ITGB5: variants seen among roughly 807,000 people sequenced by gnomAD.
ITGB5 encodes the protein integrin subunit beta 5.
In ITGB5, 38 loss-of-function variants were observed where a neutral mutation model predicts 84.8. That is an observed-to-expected ratio of 0.45 (90% CI 0.35 to 0.59). The LOEUF (loss-of-function observed/expected upper bound fraction) is 0.59. Among genes scored for constraint, ITGB5 ranks in the 20% least tolerant of loss-of-function variants. The pLI is 0.01. For synonymous variants in ITGB5, 393 were observed against 414.4 expected (o/e 0.95, Z 0.63); for missense variants, 905 against 1,034.5 (o/e 0.87, Z 1.72).
intron 5 of ITGB5, among the ~76,000 whole-genome samples, chr3:124,826,294 G>C (rs747642904): frequency 1.8e-4 from 27 of 152,166 alleles, no homozygotes; most frequent in Non-Finnish European, 2.6e-4. Flanking sequence ...GCTTCTTGAG[G>C]GTCTTGTGGG....
At chr3:124,812,955 C>G (rs1224277116) in intron 8 of ITGB5, among the ~76,000 whole-genome samples, 2 of 152,202 alleles carry the variant, frequency 1.3e-5, no homozygotes, top group Non-Finnish European at 2.9e-5. Context: ...CACACTTAGT[C>G]ATGTGTTGCA....
chr3:124,837,213 G>A (rs759691345), intron 5 of ITGB5, among the ~76,000 whole-genome samples: 7 of 152,186 alleles, frequency 4.6e-5, no homozygotes, highest in African/African-American at 1.2e-4. Context: ...GGCCAAGGGC[G>A]TGCCCTGTTT....
chr3:124,776,232 C>T (rs577318807), intron 10 of ITGB5, among the ~76,000 whole-genome samples: 1 of 152,338 alleles, frequency 6.6e-6, no homozygotes, highest in South Asian at 2.1e-4. Context: ...AGAGGGCGGT[C>T]CTGCCCCTCC....
chr3:124,777,371 C>T (rs550973724), intron 10 of ITGB5, among the ~76,000 whole-genome samples: 4 of 152,212 alleles, frequency 2.6e-5, no homozygotes, highest in South Asian at 4.1e-4. Context: ...ATCTGCATGG[C>T]TTTTTGGCCT....
At chr3:124,764,362 C>T in intron 14 of ITGB5, 29 bp downstream of exon 14, 6 of 1,588,752 alleles carry the variant, frequency 3.8e-6, no homozygotes, top group Non-Finnish European at 5.2e-6. Flanking sequence ...CTTGAAGTCT[C>T]CTCTGCTTCC....
intron 10 of ITGB5, among the ~76,000 whole-genome samples, chr3:124,779,281 G>A (rs1321402530): frequency 6.6e-6 from 1 of 152,130 alleles, no homozygotes; most frequent in Admixed American, 6.5e-5. Flanking sequence ...GTAACCAGGA[G>A]GTATGTGACA....
intron 3 of ITGB5, among the ~76,000 whole-genome samples, chr3:124,852,134 C>T (rs189911466): frequency 5.1e-4 from 77 of 152,262 alleles, no homozygotes; most frequent in Admixed American, 3.5e-3. Context: ...CGCCACCTCC[C>T]GCTGCCCGGC....
intron 10 of ITGB5, among the ~76,000 whole-genome samples, chr3:124,786,788 C>A (rs2064087749): frequency 6.6e-6 from 1 of 152,180 alleles, no homozygotes; most frequent in Non-Finnish European, 1.5e-5. Flanking sequence ...CCCCACCTCA[C>A]CAGAGGCACT....
intron 1 of ITGB5, among the ~76,000 whole-genome samples, chr3:124,886,476 G>A (rs1934813346): frequency 6.6e-6 from 1 of 152,142 alleles, no homozygotes; most frequent in Admixed American, 6.5e-5. Flanking sequence ...AGGTGGCCCC[G>A]GGCTTTGGCT....
intron 1 of ITGB5, among the ~76,000 whole-genome samples, chr3:124,883,284 A>G (rs1418879221): frequency 1.3e-5 from 2 of 152,238 alleles, no homozygotes; most frequent in Admixed American, 6.5e-5. Flanking sequence ...AACTACTTAG[A>G]TATTTTAATT....
chr3:124,887,083 C>T lies in ITGB5; in HGVS notation c.-83G>A, dbSNP rs930328397. Reference sequence around the variant, plus strand: ...CGGGGCTGGGGCCGGAGCGCGGGGGCCGAGGGCCGGGGGCCGCAGCCGCAT... The same window carrying T: ...CGGGGCTGGGGCCGGAGCGCGGGGGTCGAGGGCCGGGGGCCGCAGCCGCAT... On this transcript the variant is annotated 5_prime_UTR_variant, in exon 1 of 15. Transcript: ENST00000296181. The T allele has an allele frequency of 2.0e-6, 1 of 488,016 alleles. No individual in the cohort carries two copies. Among genetic ancestry groups the T allele is most frequent in the Non-Finnish European group, 2.7e-6 (1 of 377,340 alleles). 30.2% of individuals were successfully genotyped at this position (488,016 alleles called of 1,614,324 possible). A position where few individuals can be genotyped will look rare whatever the true frequency, so the allele number is the denominator to read the frequency against.
intron 10 of ITGB5, among the ~76,000 whole-genome samples, chr3:124,778,587 G>A (rs1240412479): frequency 1.3e-5 from 2 of 152,226 alleles, no homozygotes; most frequent in Admixed American, 6.5e-5. Flanking sequence ...CCTGCAGGGT[G>A]TAAGGAGGTG....
intron 5 of ITGB5, among the ~76,000 whole-genome samples, chr3:124,824,369 A>G (rs1225140670): frequency 1.3e-5 from 2 of 152,210 alleles, no homozygotes; most frequent in African/African-American, 2.4e-5. Flanking sequence ...ATGTCTCATC[A>G]CACACAAAAA....
rs1300255672 is a variant in ITGB5 at position 124,817,716 on chromosome 3, G to T, written c.1039-6C>A. The T allele has an allele frequency of 1.3e-6, 2 of 1,537,842 alleles. No individual in the cohort carries two copies. The highest frequency in any genetic ancestry group is 1.8e-6 in the Non-Finnish European group (2 of 1,122,296). ...GGTATCAGGGCTGTAAAATTCTTGG[G>T]AAAAAAAGTAAAGAAAAGAAATAAG... On this transcript the variant is annotated splice_region_variant and splice_polypyrimidine_tract_variant and intron_variant, in intron 7 of 14. Transcript: ENST00000296181.
At chr3:124,803,752 T>C (rs1044012724) in intron 9 of ITGB5, among the ~76,000 whole-genome samples, 3 of 152,212 alleles carry the variant, frequency 2.0e-5, no homozygotes, top group African/African-American at 7.2e-5. Flanking sequence ...TTCCTCAGGA[T>C]TGTACTTTGT....
chr3:124,848,207 C>G (rs2065102756), intron 4 of ITGB5, 102 bp downstream of exon 4: 1 of 1,414,608 alleles, frequency 7.1e-7, no homozygotes, highest in Admixed American at 1.9e-5. Flanking sequence ...CTGGCCACCC[C>G]TCCTAACCAT....
chr3:124,803,699 G>A (rs555394215), intron 9 of ITGB5, among the ~76,000 whole-genome samples: 3 of 152,344 alleles, frequency 2.0e-5, no homozygotes, highest in East Asian at 3.9e-4. Context: ...CCCACATGGT[G>A]CAGGGGGGCT....
chr3:124,796,137 G>A (rs998126918), intron 10 of ITGB5, among the ~76,000 whole-genome samples: 3 of 152,212 alleles, frequency 2.0e-5, no homozygotes, highest in Non-Finnish European at 2.9e-5. Flanking sequence ...TGGGAAGTAA[G>A]GTGGATGACC....
intron 8 of ITGB5, among the ~76,000 whole-genome samples, chr3:124,811,847 T>C (rs925804564): frequency 1.3e-5 from 2 of 152,200 alleles, no homozygotes; most frequent in Non-Finnish European, 2.9e-5. Context: ...AAAGGTGGCC[T>C]GGGACCACTC....
Sources: allele counts gnomAD v4.1 joint callset (sites outside exome capture counted in the v4.1 genomes callset), GRCh38; gene constraint gnomAD v4.1.1; transcripts MANE v1.5; gene names NCBI Gene and HGNC (gene_info 2026-07-23, HGNC 2026-07-21).